Variants in INTS13 observed in about 807,000 individuals in gnomAD.
INTS13 encodes the protein asunder, spermatogenesis regulator homolog (Drosphila).
INTS13 carries 35 observed loss-of-function variants against 90.2 expected under a neutral mutation model. That is an observed-to-expected ratio of 0.39 (90% confidence interval 0.30 to 0.51). The LOEUF is 0.51. Among genes scored for constraint, INTS13 ranks in the 20% least tolerant of loss-of-function variants. INTS13 has a pLI of 0.80. For missense variants in INTS13, 601 were observed against 851.2 expected (o/e 0.71, Z 3.66); for synonymous variants, 309 against 277.1 (o/e 1.11, Z -1.14).
At position 26,916,149 on chromosome 12, in the gene INTS13, C is replaced by T. The variant is rs1951928912; in HGVS notation, c.1101G>A (p.Lys367=). ...TATGACTAATGACTTTAGAACCTGA[C>T]TTTCGTGGTTGTTCCAATAAAACAG... The part of the protein sequence containing the change: ...GRSVLLEQPR[K]SGSKVISHML... The change falls in exon 11 of 17, where the codon AAG becomes AAA. Residue 367 remains lysine, a synonymous_variant. Transcript: ENST00000261191. 2 of 1,611,900 alleles carry T rather than the reference C, an allele frequency of 1.2e-6. No homozygotes were observed. The highest frequency in any genetic ancestry group is 1.6e-4 in the Middle Eastern group (1 of 6,068).
chr12:26,922,764 A>C, intron 7 of INTS13, 64 bp from the exon 8 acceptor site: 1 of 1,040,334 alleles, frequency 9.6e-7, no homozygotes, highest in Non-Finnish European at 1.4e-6. Flanking sequence ...TAAAATTATT[A>C]ATTATTCATT....
intron 3 of INTS13, among the ~76,000 whole-genome samples, chr12:26,929,834 AAG>A (rs374907720): frequency 2.2e-3 from 336 of 150,628 alleles, no homozygotes; most frequent in African/African-American, 7.6e-3. Context: ...GGAAGGAAGG[AAG>A]AGAGAGAGAG....
intron 5 of INTS13, among the ~76,000 whole-genome samples, chr12:26,927,625 A>AT (rs1050405803): frequency 3.3e-5 from 5 of 151,938 alleles, no homozygotes; most frequent in African/African-American, 7.3e-5. Context: ...ATTAAATTAA[A>AT]TTTTTTTTGA....
At chr12:26,906,570 A>C in intron 15 of INTS13, 133 bp from the exon 16 acceptor site, 2 of 946,394 alleles carry the variant, frequency 2.1e-6, no homozygotes, top group Non-Finnish European at 3.1e-6. Flanking sequence ...TCTGTAGTTC[A>C]TTTTACACGA....
chr12:26,938,267 C>G (rs1174402039), upstream of INTS13: 1 of 152,390 alleles, frequency 6.6e-6, no homozygotes, highest in African/African-American at 2.4e-5. Flanking sequence ...GACCCACCCA[C>G]CCGGTCTCCC....
At chr12:26,936,535 A>T (rs1175810670) in intron 2 of INTS13, 44 bp downstream of exon 2, 1 of 1,414,190 alleles carries the variant, frequency 7.1e-7, no homozygotes, top group African/African-American at 1.4e-5. Flanking sequence ...TATGCAGTTA[A>T]GTACATCCCC....
intron 14 of INTS13, among the ~76,000 whole-genome samples, chr12:26,912,740 T>C (rs1461499133): frequency 1.3e-5 from 2 of 152,058 alleles, no homozygotes; most frequent in Admixed American, 1.3e-4. Context: ...ACTTTTTTTT[T>C]TTTTTGAGAC....
At chr12:26,929,070 C>A in intron 3 of INTS13, 165 bp from the exon 4 acceptor site, 2 of 599,974 alleles carry the variant, frequency 3.3e-6, no homozygotes. Context: ...GAATTATACA[C>A]CATGAACAAG....
At chr12:26,923,732 GTAA>G (rs1272517782) in intron 7 of INTS13, among the ~76,000 whole-genome samples, 1 of 152,110 alleles carries the variant, frequency 6.6e-6, no homozygotes, top group East Asian at 1.9e-4. Flanking sequence ...CAGTTAGAGA[GTAA>G]TAAACTGATT....
intron 2 of INTS13, 140 bp downstream of exon 2, chr12:26,936,439 A>T: frequency 1.6e-6 from 1 of 626,766 alleles, no homozygotes; most frequent in Non-Finnish European, 2.8e-6. Flanking sequence ...ATTATATATT[A>T]ATCCCAAAGG....
At position 26,914,483 on chromosome 12, in the gene INTS13, T is replaced by C; in HGVS notation, c.1344A>G (p.Ala448=). ...GGGTATGTTTTTCTAACTGATCTTT[T>C]GCTCGTTCCAAAGGGACCTCAAGAC... is the stretch of plus-strand genomic sequence containing the variant. ...DGSLEVPLER[A]KDQLEKHTRY... is the part of the protein sequence containing the mutation. The change falls in exon 12 of 17, where the codon GCA becomes GCG. Residue 448 remains alanine (A), a synonymous_variant. Transcript: ENST00000261191. 1 of 1,614,006 alleles carries C rather than the reference T, an allele frequency of 6.2e-7. No homozygotes were observed. Among genetic ancestry groups the C allele is most frequent in the Non-Finnish European group, 8.5e-7 (1 of 1,179,932 alleles).
intron 14 of INTS13, among the ~76,000 whole-genome samples, chr12:26,911,550 T>C (rs928958976): frequency 6.6e-6 from 1 of 151,772 alleles, no homozygotes; most frequent in African/African-American, 2.4e-5. Flanking sequence ...GAATTAGCTG[T>C]AAAATATAAA....
chr12:26,936,668 G>A lies in INTS13; in HGVS notation c.136C>T (p.Pro46Ser). ...NRTQGIIPLA[P>S]ISKSLWTCSV... The stretch of plus-strand genomic sequence containing the variant: ...CAAGTCCACAATGATTTAGATATGG[G>A]GGCCAAAGGAATGATTCCTTGGGTT... Residue 46 changes from proline (P) to serine (S), a missense_variant, in exon 2 of 17, where the codon CCC (proline) becomes TCC (serine). Transcript: ENST00000261191. The A allele has an allele frequency of 6.2e-7, 1 of 1,613,602 alleles. No homozygotes were observed. Among genetic ancestry groups the A allele is most frequent in the Non-Finnish European group, 8.5e-7 (1 of 1,179,632 alleles).
At chr12:26,929,168 A>G in intron 3 of INTS13, 1 of 304,492 alleles carries the variant, frequency 3.3e-6, no homozygotes. Flanking sequence ...TAAAAATCAC[A>G]TGATCATCTC....
intron 10 of INTS13, among the ~76,000 whole-genome samples, chr12:26,916,525 A>G (rs1951941447): frequency 6.6e-6 from 1 of 152,216 alleles, no homozygotes; most frequent in Admixed American, 6.5e-5. Context: ...CATAATCCTC[A>G]GGTTATTAAT....
chr12:26,928,592 G>T, intron 4 of INTS13, 111 bp downstream of exon 4: 10 of 1,060,376 alleles, frequency 9.4e-6, no homozygotes, highest in Non-Finnish European at 1.4e-5. Flanking sequence ...AAGGCCACTT[G>T]TAATATGCTT....
At position 26,911,242 on chromosome 12, in the gene INTS13, T is replaced by G; in HGVS notation, c.1881A>C (p.Pro627=). 1 of 1,614,094 alleles carries G rather than the reference T, an allele frequency of 6.2e-7. No individual in the cohort carries two copies. The highest frequency in any genetic ancestry group is 1.1e-5 in the South Asian group (1 of 91,066). ...CAAGGGGTTTTTTGTTTGGAGGTTCTGGGGAATCAGGCGAATCTTTTATAA... is the reference window on the plus strand; with the variant it reads ...CAAGGGGTTTTTTGTTTGGAGGTTCGGGGGAATCAGGCGAATCTTTTATAA... ...AEIIKDSPDS[P]EPPNKKPLVE... is the part of the protein sequence containing the mutation. Residue 627 remains proline, a synonymous_variant, in exon 15 of 17, where the codon CCA becomes CCC. Transcript: ENST00000261191.
intron 5 of INTS13, among the ~76,000 whole-genome samples, chr12:26,927,272 G>A (rs895716647): frequency 2.0e-5 from 3 of 152,236 alleles, no homozygotes; most frequent in African/African-American, 4.8e-5. Flanking sequence ...ACCACTAGTC[G>A]AGATTTGTGT....
intron 7 of INTS13, 29 bp from the exon 8 acceptor site, chr12:26,922,729 A>G: frequency 6.8e-7 from 1 of 1,476,458 alleles, no homozygotes; most frequent in Non-Finnish European, 9.1e-7. Flanking sequence ...ACATTTTAAA[A>G]AACTTGGTTT....
Sources: gnomAD v4.1 joint callset for allele counts (sites outside exome capture counted in the v4.1 genomes callset) on GRCh38, gnomAD v4.1.1 for gene constraint, MANE v1.5 for transcripts, NCBI Gene and HGNC (gene_info 2026-07-23, HGNC 2026-07-21) for gene names.